The following SLC4A4 variants were observed in gnomAD, a reference collection of about 807,000 sequenced individuals.
SLC4A4 encodes solute carrier family 4 member 4.
SLC4A4 carries 27 observed loss-of-function variants against 111.5 expected under a neutral mutation model. The ratio of observed to expected loss-of-function variants is 0.24; its 90% CI spans 0.18 to 0.33. The LOEUF (loss-of-function observed/expected upper bound fraction) is 0.33. Among genes scored for constraint, SLC4A4 ranks in the 10% least tolerant of loss-of-function variants. SLC4A4 has a pLI of 1.00. For missense variants in SLC4A4, 909 were observed against 1,315.5 expected (o/e 0.69, Z 4.78); for synonymous variants, 443 against 463.4 (o/e 0.96, Z 0.57).
At position 71,497,505 on chromosome 4, in the gene SLC4A4, A is replaced by G. The variant is rs940999855; in HGVS notation, c.1979A>G (p.His660Arg). The G allele has an allele frequency of 3.7e-6, 6 of 1,612,904 alleles. No individual in the cohort carries two copies. Among genetic ancestry groups the G allele is most frequent in the Non-Finnish European group, 5.1e-6 (6 of 1,179,396 alleles). The change falls in exon 16 of 26, where the codon CAT (histidine) becomes CGT (arginine). Residue 660 changes from histidine to arginine, a missense_variant. Around this residue, in one of 7 missense-constraint regions of SLC4A4, gnomAD observed 264 missense variants for 356.8 expected, o/e 0.74. Coordinates refer to ENST00000264485, the MANE Select transcript of SLC4A4 (RefSeq NM_001098484.3). ...TTTAATGTTTTTCTTCTTCAGTACC[A>G]TAATACTACCTTTGACTGGGCATTT... ...LPTMSSTDMYHNTTFDWAFLS... is the reference protein window; with the variant it reads ...LPTMSSTDMYRNTTFDWAFLS...
At chr4:71,125,467 C>T (rs11729023) in intron 2 of SLC4A4, among the ~76,000 whole-genome samples, 12,949 of 152,050 alleles carry the variant, frequency 0.085, 708 homozygotes, top group South Asian at 0.2. Flanking sequence ...GGCTGAGGCA[C>T]GAGAATTGTT....
At chr4:71,087,895 G>T (rs1472927131) in intron 1 of SLC4A4, among the ~76,000 whole-genome samples, 2 of 152,088 alleles carry the variant, frequency 1.3e-5, no homozygotes, top group East Asian at 3.9e-4. Context: ...ATTTGGGGTG[G>T]AGAGTTCTGT....
chr4:71,435,791 CAACA>C (rs1385129807), intron 7 of SLC4A4, among the ~76,000 whole-genome samples: 1 of 152,068 alleles, frequency 6.6e-6, no homozygotes, highest in African/African-American at 2.4e-5. Flanking sequence ...TTTATGCGGC[CAACA>C]AACGTGAAAA....
chr4:71,501,510 T>A (rs1730919525), intron 16 of SLC4A4, among the ~76,000 whole-genome samples: 1 of 151,766 alleles, frequency 6.6e-6, no homozygotes, highest in Admixed American at 6.6e-5. Flanking sequence ...GAGTTTTTTT[T>A]ATTTCCTTGT....
chr4:71,466,366 C>T, intron 12 of SLC4A4, 78 bp from the exon 13 acceptor site: 1 of 1,550,618 alleles, frequency 6.4e-7, no homozygotes, highest in South Asian at 1.1e-5. Context: ...ATTCACGTGG[C>T]TTTATTTGCC....
chr4:71,493,444 G>A (rs920048703), intron 15 of SLC4A4, among the ~76,000 whole-genome samples: 4 of 151,864 alleles, frequency 2.6e-5, no homozygotes, highest in African/African-American at 7.2e-5. Flanking sequence ...GACAGATTTC[G>A]TTTGTTCAAT....
rs554445429 is a variant in SLC4A4 at position 71,131,275 on chromosome 4, T to C, written c.-2+38483T>C. ...TTTGCTCCTTTCTGTTTTGTCTGTT[T>C]CTGAAGTGCACTTTCGCCGTCCCTC... On this transcript the variant is annotated intron_variant, in intron 2 of 26. Transcript: ENST00000649996. Among the ~76,000 whole-genome samples, 5 of 152,342 alleles carry C rather than the reference T, an allele frequency of 3.3e-5. No homozygotes were observed. In the East Asian group the frequency reaches 9.6e-4, roughly 29 times the overall value.
At chr4:71,243,863 A>G (rs930684950) in intron 2 of SLC4A4, among the ~76,000 whole-genome samples, 8 of 152,332 alleles carry the variant, frequency 5.3e-5, no homozygotes, top group Non-Finnish European at 8.8e-5. Context: ...TTTTGGAAGA[A>G]CAGACTCTAC....
At chr4:71,171,370 G>A (rs1744936199) in intron 2 of SLC4A4, among the ~76,000 whole-genome samples, 1 of 152,262 alleles carries the variant, frequency 6.6e-6, no homozygotes, top group South Asian at 2.1e-4. Flanking sequence ...GCACAGTATA[G>A]TAGAAAGAGC....
At chr4:71,076,532 TAA>T (rs879532094) in intron 1 of SLC4A4, among the ~76,000 whole-genome samples, 1 of 144,792 alleles carries the variant, frequency 6.9e-6, no homozygotes, top group Non-Finnish European at 1.5e-5. Flanking sequence ...ACTCTGTCTT[TAA>T]AAAAAAAAAA....
At chr4:71,167,226 G>A (rs913611127) in intron 2 of SLC4A4, among the ~76,000 whole-genome samples, 19 of 152,132 alleles carry the variant, frequency 1.2e-4, no homozygotes, top group African/African-American at 4.3e-4. Context: ...CCTACAGAGA[G>A]GTGGCTTCTC....
At chr4:71,257,943 C>T (rs534207978) in intron 3 of SLC4A4, among the ~76,000 whole-genome samples, 11 of 152,252 alleles carry the variant, frequency 7.2e-5, no homozygotes, top group South Asian at 6.2e-4. Context: ...TTCAGTTTTG[C>T]GGTCACATTT....
chr4:71,356,379 A>T (rs562720234), intron 5 of SLC4A4, among the ~76,000 whole-genome samples: 4 of 152,206 alleles, frequency 2.6e-5, no homozygotes, highest in African/African-American at 9.6e-5. Context: ...AAAATGCCCA[A>T]TGGAAATATA....
chr4:71,084,409 T>C (rs61333916), intron 1 of SLC4A4, among the ~76,000 whole-genome samples: 1 of 152,224 alleles, frequency 6.6e-6, no homozygotes, highest in East Asian at 1.9e-4. Context: ...TATTTTATTT[T>C]CTTTTTTATT....
At chr4:71,113,559 TC>T (rs1743155236) in intron 2 of SLC4A4, among the ~76,000 whole-genome samples, 1 of 152,178 alleles carries the variant, frequency 6.6e-6, no homozygotes, top group African/African-American at 2.4e-5. Context: ...TCTGCCCAGC[TC>T]CCCTGTGCAC....
At chr4:71,098,590 T>C (rs1391773701) in intron 2 of SLC4A4, among the ~76,000 whole-genome samples, 1 of 152,086 alleles carries the variant, frequency 6.6e-6, no homozygotes, top group African/African-American at 2.4e-5. Context: ...AACAATACAA[T>C]GATGGAATAA....
At position 71,226,953 on chromosome 4, in the gene SLC4A4, G is replaced by T. The variant is rs1719087647; in HGVS notation, c.-1-9623G>T. On this transcript the variant is annotated intron_variant, in intron 1 of 25. Coordinates refer to ENST00000264485, the MANE Select transcript of SLC4A4 (RefSeq NM_001098484.3). ...TGATACTAGAGGTAGAAAAACTTCA[G>T]AAAGACAGTATTTGCTCTCAAAGAG... Among the ~76,000 whole-genome samples the T allele has an allele frequency of 2.6e-5, 4 of 152,076 alleles. 1 individual carries two copies. In the South Asian group the frequency reaches 8.3e-4, roughly 32 times the overall value.
At chr4:71,265,612 C>T (rs1461968943) in intron 3 of SLC4A4, among the ~76,000 whole-genome samples, 1 of 152,146 alleles carries the variant, frequency 6.6e-6, no homozygotes, top group African/African-American at 2.4e-5. Context: ...CTCTCTATAA[C>T]TTAATAGGAC....
At chr4:71,138,173 T>C (rs1440579132) in intron 2 of SLC4A4, among the ~76,000 whole-genome samples, 1 of 152,180 alleles carries the variant, frequency 6.6e-6, no homozygotes. Context: ...ATTCACTACT[T>C]TGAATAAAAC....
Sources: gnomAD v4.1 joint callset for allele counts (sites outside exome capture counted in the v4.1 genomes callset) on GRCh38, gnomAD v4.1.1 for gene constraint, gnomAD v4.1.1 regional missense constraint, MANE v1.5 for transcripts, NCBI Gene and HGNC (gene_info 2026-07-23, HGNC 2026-07-21) for gene names.